The following PLSCR2 variants were observed in gnomAD, a reference collection of about 807,000 sequenced individuals.
PLSCR2 encodes PL scramblase 2.
In PLSCR2, 18 loss-of-function variants were observed where a neutral mutation model predicts 25.3. The observed-to-expected ratio is 0.71, with a 90% CI of 0.49 to 1.06. The LOEUF is 1.06. Ranked by LOEUF, PLSCR2 falls within the 50% of genes least tolerant of loss-of-function variation. The pLI is 0.00. For missense variants in PLSCR2, 243 were observed against 269.5 expected (o/e 0.90, Z 0.69); for synonymous variants, 88 against 87.3 (o/e 1.01, Z -0.04).
chr3:146,467,991 C>A (rs6767361), intron 1 of PLSCR2, among the ~76,000 whole-genome samples: 14 of 152,166 alleles, frequency 9.2e-5, no homozygotes, highest in African/African-American at 3.4e-4. Context: ...TGTTTAAAGT[C>A]GCTCTACCTG....
chr3:146,410,893 A>G (rs1318742427), intron 2 of PLSCR2, among the ~76,000 whole-genome samples: 1 of 152,152 alleles, frequency 6.6e-6, no homozygotes, highest in Non-Finnish European at 1.5e-5. Flanking sequence ...GCAGGCCAGT[A>G]TAAACCCCCG....
intron 2 of PLSCR2, among the ~76,000 whole-genome samples, chr3:146,416,931 C>A (rs2039019854): frequency 6.6e-6 from 1 of 152,096 alleles, no homozygotes; most frequent in South Asian, 2.1e-4. Flanking sequence ...CTTTATGTTT[C>A]AGAATCATTT....
intron 1 of PLSCR2, among the ~76,000 whole-genome samples, chr3:146,482,995 G>A (rs554955390): frequency 2.6e-5 from 4 of 151,342 alleles, no homozygotes; most frequent in South Asian, 2.1e-4. Flanking sequence ...AAACACCATA[G>A]TGTTGGAAGT....
At chr3:146,416,112 G>A (rs2038998867) in intron 2 of PLSCR2, among the ~76,000 whole-genome samples, 1 of 151,916 alleles carries the variant, frequency 6.6e-6, no homozygotes, top group South Asian at 2.1e-4. Context: ...CACCACGCCT[G>A]GCTAATTTTT....
At chr3:146,435,700 A>C (rs1219435163) in intron 8 of PLSCR2, among the ~76,000 whole-genome samples, 1 of 152,042 alleles carries the variant, frequency 6.6e-6, no homozygotes, top group Non-Finnish European at 1.5e-5. Flanking sequence ...AGATTGTAAA[A>C]ATTTTCTCCC....
At chr3:146,437,736 T>C (rs536776779), downstream of PLSCR2, among the ~76,000 whole-genome samples, 11 of 152,176 alleles carry the variant, frequency 7.2e-5, no homozygotes, top group Non-Finnish European at 1.2e-4. Flanking sequence ...CCTGGATTCA[T>C]TAATTTTTTT....
At chr3:146,432,615 G>T (rs2039587540), downstream of PLSCR2, among the ~76,000 whole-genome samples, 1 of 152,118 alleles carries the variant, frequency 6.6e-6, no homozygotes, top group Non-Finnish European at 1.5e-5. Context: ...GGAGGGCAAG[G>T]ACAAAAATAC....
intron 2 of PLSCR2, among the ~76,000 whole-genome samples, chr3:146,419,373 A>G (rs1434256142): frequency 6.6e-6 from 1 of 152,132 alleles, no homozygotes; most frequent in Non-Finnish European, 1.5e-5. Flanking sequence ...AAAGTAATCC[A>G]GGAATTTTCT....
At chr3:146,427,179 A>G (rs1250831748) in intron 2 of PLSCR2, among the ~76,000 whole-genome samples, 2 of 152,224 alleles carry the variant, frequency 1.3e-5, no homozygotes, top group Non-Finnish European at 2.9e-5. Flanking sequence ...AATTTGAAAG[A>G]TGGGTAATTC....
At chr3:146,424,818 G>C (rs779804754) in intron 2 of PLSCR2, among the ~76,000 whole-genome samples, 1 of 151,960 alleles carries the variant, frequency 6.6e-6, no homozygotes, top group African/African-American at 2.4e-5. Context: ...ATCAGTTTGA[G>C]TGCACAGTGG....
At chr3:146,423,823 G>A (rs2039244012) in intron 2 of PLSCR2, among the ~76,000 whole-genome samples, 1 of 151,952 alleles carries the variant, frequency 6.6e-6, no homozygotes, top group South Asian at 2.1e-4. Flanking sequence ...AAACAGAGGT[G>A]GTCTCTAAAA....
chr3:146,451,928 A>G (rs1246304037), intron 5 of PLSCR2, among the ~76,000 whole-genome samples: 4 of 152,214 alleles, frequency 2.6e-5, no homozygotes, highest in Non-Finnish European at 5.9e-5. Flanking sequence ...TCATCTGGCT[A>G]TCCATCTGTA....
chr3:146,455,802 T>C (rs1301400837), intron 3 of PLSCR2, among the ~76,000 whole-genome samples: 4 of 152,182 alleles, frequency 2.6e-5, no homozygotes, highest in Admixed American at 2.0e-4. Context: ...AAAATGTCCA[T>C]TTATTTGGTA....
chr3:146,481,989 T>C (rs1168071321), intron 1 of PLSCR2, among the ~76,000 whole-genome samples: 1 of 152,208 alleles, frequency 6.6e-6, no homozygotes, highest in Non-Finnish European at 1.5e-5. Context: ...GGATTTCCTA[T>C]TTAATAAATG....
downstream of PLSCR2, among the ~76,000 whole-genome samples, chr3:146,431,258 C>A (rs2039535097): frequency 6.6e-6 from 1 of 152,210 alleles, no homozygotes; most frequent in Non-Finnish European, 1.5e-5. Flanking sequence ...TGAAAAGGAA[C>A]TTTCTCAGAA....
intron 2 of PLSCR2, among the ~76,000 whole-genome samples, chr3:146,425,912 T>C (rs568111012): frequency 5.4e-4 from 82 of 152,260 alleles, no homozygotes; most frequent in Non-Finnish European, 1.1e-3. Flanking sequence ...AGCCATCATT[T>C]TATTCTTTGT....
At chr3:146,444,400 T>C (rs989991232) in intron 6 of PLSCR2, among the ~76,000 whole-genome samples, 8 of 151,866 alleles carry the variant, frequency 5.3e-5, no homozygotes, top group Non-Finnish European at 7.4e-5. Context: ...GGTCTATTTC[T>C]CCCTTTACCT....
chr3:146,456,218 G>T (rs926566413), intron 3 of PLSCR2, among the ~76,000 whole-genome samples: 20 of 152,092 alleles, frequency 1.3e-4, no homozygotes, highest in African/African-American at 4.8e-4. Flanking sequence ...TGCTCACATG[G>T]TATCTTACCA....
At chr3:146,435,096 T>G (rs2039763420) in intron 8 of PLSCR2, among the ~76,000 whole-genome samples, 1 of 152,108 alleles carries the variant, frequency 6.6e-6, no homozygotes, top group South Asian at 2.1e-4. Context: ...ACAAAGGACA[T>G]GAACTCATCA....
Sources: gnomAD v4.1 joint callset for allele counts (sites outside exome capture counted in the v4.1 genomes callset) on GRCh38, gnomAD v4.1.1 for gene constraint, MANE v1.5 for transcripts, NCBI Gene and HGNC (gene_info 2026-07-23, HGNC 2026-07-21) for gene names.